The following DCC variants were observed in gnomAD, a reference collection of about 807,000 sequenced individuals.
DCC encodes the protein netrin receptor DCC.
DCC carries 58 observed loss-of-function variants against 172.5 expected under a neutral mutation model. The ratio of observed to expected loss-of-function variants is 0.34; its 90% CI spans 0.27 to 0.42. The LOEUF (loss-of-function observed/expected upper bound fraction) is 0.42. Ranked by LOEUF, DCC falls within the 10% of genes least tolerant of loss-of-function variation. The pLI is 1.00. For missense variants in DCC, 1,740 were observed against 1,791.0 expected (o/e 0.97, Z 0.51); for synonymous variants, 709 against 644.5 (o/e 1.10, Z -1.52).
intron 20 of DCC, among the ~76,000 whole-genome samples, chr18:53,413,532 T>C (rs1669376010): frequency 6.6e-6 from 1 of 152,206 alleles, no homozygotes; most frequent in African/African-American, 2.4e-5. Context: ...ATTCAAAATT[T>C]CTCAAGTTCT....
At chr18:53,291,010 A>T (rs1304418379) in intron 12 of DCC, among the ~76,000 whole-genome samples, 2 of 152,070 alleles carry the variant, frequency 1.3e-5, no homozygotes, top group Non-Finnish European at 2.9e-5. Flanking sequence ...TCTACTAAAA[A>T]TACAAAAATT....
At chr18:53,227,454 G>A (rs926119704) in intron 12 of DCC, among the ~76,000 whole-genome samples, 9 of 152,022 alleles carry the variant, frequency 5.9e-5, no homozygotes, top group African/African-American at 9.7e-5. Flanking sequence ...GCCTCCATTA[G>A]TTTTCCAAAG....
rs925798302 is a variant in DCC, at chr18:53,110,033, A to T, written c.1261+43867A>T. 2.0e-5 allele frequency among the ~76,000 whole-genome samples: 3 copies of T among 151,708 alleles called. No homozygotes were observed. The East Asian group carries it at 5.8e-4, about 30-fold the overall frequency. On this transcript the variant is annotated intron_variant, in intron 7 of 28. Coordinates refer to ENST00000442544, the MANE Select transcript of DCC (RefSeq NM_005215.4). ...TTAACAAGATATGCTCATTTCATAG[A>T]AGTCCTAATTTGAATGAAAACCATT...
At chr18:53,185,140 A>G (rs12959099) in intron 9 of DCC, among the ~76,000 whole-genome samples, 65,620 of 152,010 alleles carry the variant, frequency 0.43, 14,742 homozygotes, top group African/African-American at 0.49. Flanking sequence ...AAATGTTTTC[A>G]GGTGTTATAA....
At chr18:52,433,799 T>A (rs918850384) in intron 1 of DCC, among the ~76,000 whole-genome samples, 20 of 152,216 alleles carry the variant, frequency 1.3e-4, no homozygotes, top group African/African-American at 4.6e-4. Context: ...ATTTTTGTCT[T>A]ATTCAACACT....
chr18:52,907,396 T>C (rs62099017), intron 3 of DCC, among the ~76,000 whole-genome samples: 1 of 147,502 alleles, frequency 6.8e-6, no homozygotes, highest in Non-Finnish European at 1.5e-5. Flanking sequence ...ATATGTCATG[T>C]ATATATACAT....
chr18:53,055,859 T>C (rs962301399), intron 5 of DCC, among the ~76,000 whole-genome samples: 1 of 151,410 alleles, frequency 6.6e-6, no homozygotes, highest in Non-Finnish European at 1.5e-5. Flanking sequence ...AAGGAAGGAG[T>C]ATGCATTTAA....
intron 2 of DCC, among the ~76,000 whole-genome samples, chr18:52,876,438 TCTTTA>T (rs2039403973): frequency 6.6e-6 from 1 of 152,254 alleles, no homozygotes; most frequent in Non-Finnish European, 1.5e-5. Context: ...AGGCATACAT[TCTTTA>T]CTTGATGGCT....
chr18:52,550,335 A>G (rs1163993373), intron 1 of DCC, among the ~76,000 whole-genome samples: 1 of 151,716 alleles, frequency 6.6e-6, no homozygotes, highest in East Asian at 1.9e-4. Flanking sequence ...GGTCTCCTGA[A>G]CAGAAAAGAG....
At chr18:53,110,578 A>G (rs1036564052) in intron 7 of DCC, among the ~76,000 whole-genome samples, 1 of 151,756 alleles carries the variant, frequency 6.6e-6, no homozygotes, top group Non-Finnish European at 1.5e-5. Context: ...CCTATCAAAA[A>G]TTGGGCGAAG....
intron 21 of DCC, among the ~76,000 whole-genome samples, chr18:53,427,989 ATT>A: frequency 1.2e-5 from 1 of 85,158 alleles, no homozygotes; most frequent in Admixed American, 2.0e-4. Flanking sequence ...AATATAATAT[ATT>A]ATAATAATAT....
chr18:52,898,872 C>T (rs2039770596), intron 2 of DCC, among the ~76,000 whole-genome samples: 1 of 152,076 alleles, frequency 6.6e-6, no homozygotes, highest in Admixed American at 6.5e-5. Flanking sequence ...CCCAGGCTGT[C>T]CCAGCTGGGT....
At chr18:52,790,911 G>A (rs1299481487) in intron 2 of DCC, among the ~76,000 whole-genome samples, 2 of 152,140 alleles carry the variant, frequency 1.3e-5, no homozygotes, top group Non-Finnish European at 2.9e-5. Context: ...TTAGAAAATT[G>A]GCCTAAGTCT....
chr18:52,497,570 T>C (rs2030711795), intron 1 of DCC, among the ~76,000 whole-genome samples: 2 of 152,136 alleles, frequency 1.3e-5, no homozygotes, highest in African/African-American at 4.8e-5. Flanking sequence ...TCTTTTTCTT[T>C]TTTATTCTAA....
chr18:52,505,516 C>T (rs555731911), intron 1 of DCC, among the ~76,000 whole-genome samples: 1 of 152,202 alleles, frequency 6.6e-6, no homozygotes, highest in East Asian at 1.9e-4. Flanking sequence ...CGCTAAACGG[C>T]ACAAAAGAAG....
At chr18:52,644,311 G>C (rs928276833) in intron 1 of DCC, among the ~76,000 whole-genome samples, 2 of 152,284 alleles carry the variant, frequency 1.3e-5, no homozygotes, top group African/African-American at 4.8e-5. Context: ...GGGTGTGATG[G>C]CTCACGCCTG....
chr18:53,091,050 G>A (rs574642946), intron 7 of DCC, among the ~76,000 whole-genome samples: 30 of 151,974 alleles, frequency 2.0e-4, no homozygotes, highest in Admixed American at 1.2e-3. Context: ...ACCAGTAATC[G>A]ATTTCCCAAG....
chr18:52,553,777 T>C (rs952828742), intron 1 of DCC, among the ~76,000 whole-genome samples: 1 of 151,974 alleles, frequency 6.6e-6, no homozygotes, highest in African/African-American at 2.4e-5. Flanking sequence ...ATAGGAGTTT[T>C]CCATATGGAC....
At chr18:53,011,831 A>T (rs2041735106) in intron 5 of DCC, among the ~76,000 whole-genome samples, 1 of 151,622 alleles carries the variant, frequency 6.6e-6, no homozygotes. Context: ...CCAGTCCTTC[A>T]TCCGGTCACA....
Sources: allele counts gnomAD v4.1 joint callset (sites outside exome capture counted in the v4.1 genomes callset), GRCh38; gene constraint gnomAD v4.1.1; transcripts MANE v1.5; gene names NCBI Gene and HGNC (gene_info 2026-07-23, HGNC 2026-07-21).